DNAH9: variants seen among roughly 807,000 people sequenced by gnomAD.
DNAH9 encodes dynein axonemal heavy chain 9, also known as DNAH9 variant protein.
DNAH9 carries 345 observed loss-of-function variants against 471.6 expected under a neutral mutation model. The observed-to-expected ratio is 0.73, with a 90% CI of 0.67 to 0.80. The LOEUF (loss-of-function observed/expected upper bound fraction) is 0.80, where lower values mean the gene tolerates loss of function less well. Ranked by LOEUF, DNAH9 falls within the 30% of genes least tolerant of loss-of-function variation. The pLI, the probability that DNAH9 is intolerant of heterozygous loss-of-function variation, is 0.00. For synonymous variants in DNAH9, 2,093 were observed against 2,123.6 expected, an observed-to-expected ratio of 0.99 and a Z score of 0.40; for missense variants, 5,407 against 5,609.2, an observed-to-expected ratio of 0.96 and a Z score of 1.15.
chr17:11,926,038 A>AGG (rs1567555351), intron 62 of DNAH9, among the ~76,000 whole-genome samples: 121 of 115,480 alleles, frequency 1.0e-3, no homozygotes, highest in Middle Eastern at 5.4e-3. Context: ...ATTCTCTGAA[A>AGG]AAAAAAAAAA....
intron 67 of DNAH9, among the ~76,000 whole-genome samples, chr17:11,952,145 T>C (rs1703785346): frequency 1.4e-5 from 2 of 145,720 alleles, no homozygotes; most frequent in South Asian, 4.4e-4. Context: ...ATTACTTTTT[T>C]TTTTTTTTTT....
At position 11,646,835 on chromosome 17, in the gene DNAH9, C is replaced by T. The variant is rs149693426; in HGVS notation, c.1971-237C>T. Among the ~76,000 whole-genome samples, 694 of 152,290 alleles carry T rather than the reference C, an allele frequency of 4.6e-3. 4 individuals carry two copies. The highest frequency in any genetic ancestry group is 0.016 in the African/African-American group (671 of 41,566). On this transcript the variant is annotated intron_variant, in intron 11 of 68. Transcript: ENST00000262442. ...GGCTGAGGCAGGAGAATCACTTGAA[C>T]CCGGGAGGCAGAGGTTGCAGTGAGC...
intron 42 of DNAH9, among the ~76,000 whole-genome samples, chr17:11,794,036 ATTTTTTTTTTTTT>A (rs35741238): frequency 1.6e-4 from 13 of 80,892 alleles, no homozygotes; most frequent in South Asian, 1.4e-3. Flanking sequence ...ATTTTGAGCA[ATTTTTTTTTTTTT>A]TTTTTTTTTT....
At chr17:11,702,684 T>G (rs1033340914) in intron 24 of DNAH9, among the ~76,000 whole-genome samples, 2 of 152,068 alleles carry the variant, frequency 1.3e-5, no homozygotes, top group Admixed American at 6.5e-5. Flanking sequence ...TTCTAAGAGA[T>G]GAAGCAAAAT....
chr17:11,615,233 C>G (rs1024323211), intron 4 of DNAH9, among the ~76,000 whole-genome samples: 58 of 152,282 alleles, frequency 3.8e-4, no homozygotes, highest in African/African-American at 1.4e-3. Context: ...TAAAGACTTT[C>G]CTGCAAACCA....
intron 48 of DNAH9, among the ~76,000 whole-genome samples, chr17:11,826,948 C>T (rs1970520244): frequency 6.6e-6 from 1 of 151,398 alleles, no homozygotes; most frequent in Non-Finnish European, 1.5e-5. Context: ...CCTCAGCCTC[C>T]TGAGTAGCTG....
intron 20 of DNAH9, among the ~76,000 whole-genome samples, chr17:11,691,942 T>C (rs574180199): frequency 2.2e-4 from 33 of 152,274 alleles, no homozygotes; most frequent in African/African-American, 7.2e-4. Context: ...TAGCTGGGAT[T>C]ACAGATGAGT....
At chr17:11,708,186 C>A (rs113675844) in intron 26 of DNAH9, among the ~76,000 whole-genome samples, 2 of 152,136 alleles carry the variant, frequency 1.3e-5, no homozygotes, top group Non-Finnish European at 2.9e-5. Context: ...CTTTGTCTAT[C>A]GTGTTTGCTG....
At chr17:11,692,120 C>T (rs981704482) in intron 20 of DNAH9, among the ~76,000 whole-genome samples, 1 of 152,054 alleles carries the variant, frequency 6.6e-6, no homozygotes, top group Non-Finnish European at 1.5e-5. Context: ...GTTTTTAGGT[C>T]TTCTTGGGCA....
intron 34 of DNAH9, among the ~76,000 whole-genome samples, 178 bp downstream of exon 34, chr17:11,756,854 A>C (rs796729579): frequency 1.5e-4 from 23 of 152,330 alleles, no homozygotes; most frequent in African/African-American, 5.1e-4. Flanking sequence ...TTTGAGCTGC[A>C]CAACTATCCT....
Position 11,756,617 on chromosome 17 carries a change from A to C in DNAH9, c.6788A>C (p.Lys2263Thr), listed in dbSNP as rs1221610089. The C allele has an allele frequency of 6.2e-7, 1 of 1,613,848 alleles. No homozygotes were observed. The highest frequency in any genetic ancestry group is 1.3e-5 in the African/African-American group (1 of 74,958). The change falls in exon 34 of 69, where the codon AAG becomes ACG. Residue 2263 changes from lysine to threonine, a missense_variant. Coordinates refer to ENST00000262442, the MANE Select transcript of DNAH9 (RefSeq NM_001372.4). ...AGGATTCCTCTGAACCCCACCATGA[A>C]GCTCCTCTTTGAGATCAGCCACCTG... ...NERIPLNPTM[K>T]LLFEISHLRT...
chr17:11,648,333 G>A (rs2073434850), intron 12 of DNAH9, among the ~76,000 whole-genome samples: 2 of 152,130 alleles, frequency 1.3e-5, no homozygotes, highest in East Asian at 1.9e-4. Flanking sequence ...TCTTCACTTT[G>A]GCAAGACGTG....
At chr17:11,786,821 C>T (rs1013883058) in intron 41 of DNAH9, among the ~76,000 whole-genome samples, 4 of 152,142 alleles carry the variant, frequency 2.6e-5, no homozygotes, top group African/African-American at 7.2e-5. Flanking sequence ...AGATTGTTCC[C>T]CTGGCCTGTT....
At chr17:11,846,337 G>A (rs62060909) in intron 49 of DNAH9, among the ~76,000 whole-genome samples, 72,163 of 142,780 alleles carry the variant, frequency 0.51, 18,480 homozygotes, top group African/African-American at 0.55. Context: ...ATTTCTGAGG[G>A]CTCTGTTCTG....
At chr17:11,762,766 T>TTTTTTTTGTTTG (rs777342371) in intron 35 of DNAH9, among the ~76,000 whole-genome samples, 23 of 87,238 alleles carry the variant, frequency 2.6e-4, no homozygotes, top group Non-Finnish European at 4.8e-4. Flanking sequence ...GCGTTTTTTT[T>TTTTTTTTGTTTG]TTTGTTTTTT....
intron 5 of DNAH9, among the ~76,000 whole-genome samples, chr17:11,618,339 G>A (rs1597394469): frequency 1.3e-5 from 2 of 152,132 alleles, no homozygotes; most frequent in South Asian, 2.1e-4. Flanking sequence ...TGTAATCCCA[G>A]CATTTTGGGA....
chr17:11,609,770 T>C (rs961682609), intron 2 of DNAH9, among the ~76,000 whole-genome samples: 1 of 152,236 alleles, frequency 6.6e-6, no homozygotes, highest in African/African-American at 2.4e-5. Context: ...GGGAAAAGTT[T>C]GGGAATTCTA....
intron 68 of DNAH9, among the ~76,000 whole-genome samples, chr17:11,964,404 T>C (rs939967877): frequency 6.6e-6 from 1 of 152,170 alleles, no homozygotes; most frequent in Non-Finnish European, 1.5e-5. Context: ...CAGTTTCAAT[T>C]GTCAACCTCC....
At chr17:11,757,051 G>A (rs1043112024) in intron 34 of DNAH9, among the ~76,000 whole-genome samples, 2 of 151,842 alleles carry the variant, frequency 1.3e-5, no homozygotes, top group African/African-American at 2.4e-5. Flanking sequence ...TTTTAATTGT[G>A]TGGCAAAATC....
Sources: gnomAD v4.1 joint callset for allele counts (sites outside exome capture counted in the v4.1 genomes callset) on GRCh38, gnomAD v4.1.1 for gene constraint, MANE v1.5 for transcripts, NCBI Gene and HGNC (gene_info 2026-07-23, HGNC 2026-07-21) for gene names.